Variants in ZNF804B observed in about 807,000 individuals in gnomAD.
ZNF804B encodes zinc finger 804B.
In ZNF804B, 80 loss-of-function variants were observed where a neutral mutation model predicts 101.4. That is an observed-to-expected ratio of 0.79 (90% CI 0.66 to 0.95). The LOEUF is 0.95. ZNF804B is among the 40% of genes least tolerant of loss of function. ZNF804B has a pLI of 0.00. For missense variants in ZNF804B, 1,673 were observed against 1,561.9 expected (o/e 1.07, Z -1.20); for synonymous variants, 622 against 558.8 (o/e 1.11, Z -1.59).
chr7:88,833,743 C>T (rs1791166931), intron 1 of ZNF804B, among the ~76,000 whole-genome samples: 1 of 151,852 alleles, frequency 6.6e-6, no homozygotes, highest in Non-Finnish European at 1.5e-5. Flanking sequence ...GATTGCATCT[C>T]TGTGAATTTA....
chr7:88,997,196 T>C (rs1012664312), intron 1 of ZNF804B, among the ~76,000 whole-genome samples: 2 of 152,094 alleles, frequency 1.3e-5, no homozygotes, highest in African/African-American at 4.8e-5. Context: ...TTGAGAATTA[T>C]CTAATCAGTC....
intron 2 of ZNF804B, among the ~76,000 whole-genome samples, chr7:89,257,536 A>G (rs1451224401): frequency 6.6e-6 from 1 of 152,156 alleles, no homozygotes; most frequent in African/African-American, 2.4e-5. Flanking sequence ...CTTTACATAT[A>G]AAAGGAGTCA....
chr7:89,103,061 T>TTTGTTTGTTTTG (rs1790084062), intron 1 of ZNF804B, among the ~76,000 whole-genome samples: 1 of 127,924 alleles, frequency 7.8e-6, no homozygotes, highest in African/African-American at 3.4e-5. Context: ...TTTTTTTTTT[T>TTTGTTTGTTTTG]TTTTTTTTTT....
chr7:88,923,582 C>T (rs767225033), intron 1 of ZNF804B, among the ~76,000 whole-genome samples: 2 of 152,026 alleles, frequency 1.3e-5, no homozygotes, highest in African/African-American at 4.8e-5. Flanking sequence ...ATATGGTTGA[C>T]AATGTTTGCC....
At position 89,278,075 on chromosome 7, in the gene ZNF804B, T is replaced by A. The variant is rs182475518; in HGVS notation, c.250-49269T>A. Among the ~76,000 whole-genome samples the A allele has an allele frequency of 9.0e-4, 137 of 152,350 alleles. 1 individual carries two copies. The highest frequency in any genetic ancestry group is 3.0e-3 in the African/African-American group (123 of 41,580). ...TGTAAGATGATATCTCATTGTGGTT[T>A]TGATTTGCATTTCTCTGATGGCCAG... is the stretch of plus-strand genomic sequence containing the variant. On this transcript the variant is annotated intron_variant, in intron 2 of 3. Transcript: ENST00000333190.
At chr7:89,295,139 G>A (rs570932760) in intron 2 of ZNF804B, among the ~76,000 whole-genome samples, 1 of 152,224 alleles carries the variant, frequency 6.6e-6, no homozygotes, top group African/African-American at 2.4e-5. Flanking sequence ...ATGTATTAAT[G>A]TATTATTATC....
At chr7:88,767,719 C>T (rs1031972424) in intron 1 of ZNF804B, among the ~76,000 whole-genome samples, 4 of 152,226 alleles carry the variant, frequency 2.6e-5, no homozygotes, top group Non-Finnish European at 4.4e-5. Flanking sequence ...AGTGTAGGTG[C>T]ATGATCCAGC....
At chr7:89,177,446 T>C (rs1444895106) in intron 1 of ZNF804B, among the ~76,000 whole-genome samples, 1 of 152,206 alleles carries the variant, frequency 6.6e-6, no homozygotes, top group Admixed American at 6.5e-5. Flanking sequence ...TTGTTACTGA[T>C]TTGTAGTTTT....
chr7:88,913,601 G>A (rs149151531), intron 1 of ZNF804B, among the ~76,000 whole-genome samples: 129 of 152,168 alleles, frequency 8.5e-4, no homozygotes, highest in African/African-American at 3.0e-3. Flanking sequence ...TCACCATCTT[G>A]GCCAGGCTGG....
intron 1 of ZNF804B, among the ~76,000 whole-genome samples, chr7:89,052,959 C>A (rs1235150679): frequency 2.6e-5 from 4 of 152,112 alleles, no homozygotes; most frequent in Non-Finnish European, 5.9e-5. Context: ...TGTATTCCTC[C>A]AGCTTAATTA....
chr7:88,943,796 C>G (rs6959342), intron 1 of ZNF804B, among the ~76,000 whole-genome samples: 77,032 of 151,480 alleles, frequency 0.51, 19,990 homozygotes, highest in Non-Finnish European at 0.57. Flanking sequence ...GCACCTATAA[C>G]TTTGAATTTT....
intron 1 of ZNF804B, among the ~76,000 whole-genome samples, chr7:88,816,360 A>G (rs1056348165): frequency 2.0e-5 from 3 of 152,196 alleles, no homozygotes; most frequent in Non-Finnish European, 4.4e-5. Context: ...AGCAATGGCA[A>G]CAAAAGTCAA....
intron 1 of ZNF804B, among the ~76,000 whole-genome samples, chr7:89,177,939 A>AG (rs1791347240): frequency 6.6e-6 from 1 of 151,956 alleles, no homozygotes; most frequent in Non-Finnish European, 1.5e-5. Context: ...TGTCTCAAAA[A>AG]AAAAAAAGAA....
rs561625302 is a variant in ZNF804B at position 88,808,299 on chromosome 7, T to C, written c.108+48215T>C. Among the ~76,000 whole-genome samples the C allele has an allele frequency of 5.3e-5, 8 of 151,726 alleles. No homozygotes were observed. In the South Asian group the frequency reaches 6.2e-4, roughly 12 times the overall value. On this transcript the variant is annotated intron_variant, in intron 1 of 3. Transcript: ENST00000333190. ...CAGGAGGCTGAGGCAGGAGAATCAC[T>C]TGAACCCAGGAGACGGAGGTTGCAG...
At chr7:89,199,790 T>A (rs1198040185) in intron 1 of ZNF804B, among the ~76,000 whole-genome samples, 2 of 151,180 alleles carry the variant, frequency 1.3e-5, no homozygotes, top group East Asian at 3.9e-4. Flanking sequence ...TATGACATTT[T>A]ATATACATAT....
rs1372235935 is a variant in ZNF804B at position 89,336,573 on chromosome 7, A to T, written c.3591A>T (p.Thr1197=). Residue 1197 remains threonine (T), a synonymous_variant, in exon 4 of 4, where the codon ACA becomes ACT. Coordinates refer to ENST00000333190, the MANE Select transcript of ZNF804B (RefSeq NM_181646.5). ...TCTCTCCGGCCTCAACCGTACAGACAGTTCCAGTTCACCAGCACACTTCTA... is the reference window on the plus strand; with the variant it reads ...TCTCTCCGGCCTCAACCGTACAGACTGTTCCAGTTCACCAGCACACTTCTA... The part of the protein sequence containing the change: ...TAFSPASTVQ[T]VPVHQHTSIT... 4 of 1,614,002 alleles carry T rather than the reference A, an allele frequency of 2.5e-6. No homozygotes were observed. In the South Asian group the frequency reaches 4.4e-5, roughly 18 times the overall value.
chr7:89,091,031 T>C (rs1258083185), intron 1 of ZNF804B, among the ~76,000 whole-genome samples: 1 of 152,178 alleles, frequency 6.6e-6, no homozygotes, highest in Non-Finnish European at 1.5e-5. Flanking sequence ...GAGCTTTCCA[T>C]ACATAATGCT....
At chr7:88,986,126 C>T (rs1215143333) in intron 1 of ZNF804B, among the ~76,000 whole-genome samples, 2 of 152,072 alleles carry the variant, frequency 1.3e-5, no homozygotes, top group African/African-American at 4.8e-5. Context: ...ATATAATATT[C>T]AAAGCAACAA....
rs1329631717 is a variant in ZNF804B, at chr7:89,204,207, T to C, written c.109-13948T>C. On this transcript the variant is annotated intron_variant, in intron 1 of 3. Coordinates refer to ENST00000333190, the MANE Select transcript of ZNF804B (RefSeq NM_181646.5). ...GAAATGTCAGATGCTATTAATTGCA[T>C]TTTTACAATAAGTAGCTACATCAGG... Among the ~76,000 whole-genome samples the C allele has an allele frequency of 3.9e-5, 6 of 152,332 alleles. No homozygotes were observed. The East Asian group carries it at 9.6e-4, about 24-fold the overall frequency.
Sources: allele counts gnomAD v4.1 joint callset (sites outside exome capture counted in the v4.1 genomes callset), GRCh38; gene constraint gnomAD v4.1.1; transcripts MANE v1.5; gene names NCBI Gene and HGNC (gene_info 2026-07-23, HGNC 2026-07-21).